RASAL2: variants seen among roughly 807,000 people sequenced by gnomAD.
RASAL2 encodes the protein ras GTPase-activating protein nGAP.
In RASAL2, 58 loss-of-function variants were observed where a neutral mutation model predicts 128.9. That is an observed-to-expected ratio of 0.45 (90% CI 0.36 to 0.56). The LOEUF is 0.56. Among genes scored for constraint, RASAL2 ranks in the 20% least tolerant of loss-of-function variants. The probability of loss-of-function intolerance (pLI) is 0.00; values close to 1 mark genes in which losing one functional copy is unlikely to be tolerated. For synonymous variants in RASAL2, 561 were observed against 580.8 expected, an observed-to-expected ratio of 0.97 and a Z score of 0.49; for missense variants, 1,360 against 1,601.6, an observed-to-expected ratio of 0.85 and a Z score of 2.57.
At chr1:178,374,752 C>T (rs1671898589) in intron 3 of RASAL2, among the ~76,000 whole-genome samples, 1 of 152,150 alleles carries the variant, frequency 6.6e-6, no homozygotes, top group Admixed American at 6.6e-5. Flanking sequence ...TGATTTACTT[C>T]CTGTCTTGGA....
chr1:178,139,511 A>G lies in RASAL2; in HGVS notation c.202+44817A>G, dbSNP rs370704345. Among the ~76,000 whole-genome samples, 46 of 152,216 alleles carry G rather than the reference A, an allele frequency of 3.0e-4. No individual in the cohort carries two copies. The South Asian group carries it at 9.3e-3, about 31-fold the overall frequency. ...GAATTTTTAAAAGTTACTCCTTACT[A>G]TTACTCCATATTCTTAACTTTAATT... is the stretch of plus-strand genomic sequence containing the variant. On this transcript the variant is annotated intron_variant, in intron 1 of 17. Coordinates refer to ENST00000367649, the MANE Select transcript of RASAL2 (RefSeq NM_170692.4).
chr1:178,124,074 C>G (rs1018958564), intron 1 of RASAL2, among the ~76,000 whole-genome samples: 7 of 152,290 alleles, frequency 4.6e-5, no homozygotes, highest in African/African-American at 1.4e-4. Flanking sequence ...AGTAGACCTG[C>G]TCTGGTTACA....
At chr1:178,348,217 G>A (rs535885901) in intron 3 of RASAL2, among the ~76,000 whole-genome samples, 28 of 152,280 alleles carry the variant, frequency 1.8e-4, no homozygotes, top group African/African-American at 6.0e-4. Flanking sequence ...TCAGATGCTG[G>A]TTACTAGCAT....
Position 178,277,970 on chromosome 1 carries a change from C to T in RASAL2, c.203-5594C>T, listed in dbSNP as rs927987768. The stretch of plus-strand genomic sequence containing the variant: ...CAGTGTAGTGTCTGTTATTGTGAGA[C>T]ATCACCCAGAGTTGTTTGTCTCATG... On this transcript the variant is annotated intron_variant, in intron 1 of 17. Coordinates refer to ENST00000367649, the MANE Select transcript of RASAL2 (RefSeq NM_170692.4). 5.9e-5 allele frequency among the ~76,000 whole-genome samples: 9 copies of T among 152,266 alleles called. No individual in the cohort carries two copies. The Middle Eastern group carries it at 0.017, about 288-fold the overall frequency.
At chr1:178,269,232 A>G (rs1364804547) in intron 1 of RASAL2, among the ~76,000 whole-genome samples, 1 of 152,222 alleles carries the variant, frequency 6.6e-6, no homozygotes, top group East Asian at 1.9e-4. Context: ...CCTCATCAGG[A>G]ACTAAATTGG....
chr1:178,095,436 G>T (rs1658639236), intron 1 of RASAL2, among the ~76,000 whole-genome samples: 1 of 152,196 alleles, frequency 6.6e-6, no homozygotes, highest in South Asian at 2.1e-4. Flanking sequence ...ATAGCTTAAG[G>T]ATTTATAGCC....
intron 1 of RASAL2, among the ~76,000 whole-genome samples, chr1:178,262,100 G>T (rs1056137187): frequency 1.3e-5 from 2 of 151,976 alleles, no homozygotes; most frequent in African/African-American, 4.8e-5. Context: ...ACGAATAATT[G>T]AATGATTGAG....
chr1:178,208,032 A>C (rs1360766728), intron 1 of RASAL2, among the ~76,000 whole-genome samples: 1 of 152,182 alleles, frequency 6.6e-6, no homozygotes, highest in African/African-American at 2.4e-5. Flanking sequence ...TCTTTACTTT[A>C]ATCTCTTAAT....
chr1:178,328,877 A>G lies in RASAL2; in HGVS notation c.457+28759A>G, dbSNP rs370710976. Reference sequence around the variant, plus strand: ...GTATTTCGGGTTATGAGTGACTTATAAATACTAACAGGCAGCTGTGAGACC... The same window carrying G: ...GTATTTCGGGTTATGAGTGACTTATGAATACTAACAGGCAGCTGTGAGACC... On this transcript the variant is annotated intron_variant, in intron 3 of 17. Transcript: ENST00000367649. Among the ~76,000 whole-genome samples the G allele has an allele frequency of 4.9e-4, 75 of 152,284 alleles. 1 individual carries two copies. In the South Asian group the frequency reaches 0.015, roughly 31 times the overall value.
rs1262519848 is a variant in RASAL2 at position 178,441,606 on chromosome 1, A to G, written c.886A>G (p.Lys296Glu). 6.2e-7 allele frequency: 1 copy of G among 1,612,588 alleles called. No homozygotes were observed. The highest frequency in any genetic ancestry group is 8.5e-7 in the Non-Finnish European group (1 of 1,179,148). ...FSCNSASERD[K>E]WMENLRRTVQ... The stretch of plus-strand genomic sequence containing the variant: ...CTGTAATTCTGCTTCTGAGAGAGAC[A>G]AGTGGATGGAAAACCTTCGCAGGAC... The change falls in exon 7 of 18, where the codon AAG (lysine) becomes GAG (glutamate). Residue 296 changes from lysine (K) to glutamate (E), a missense_variant. By Grantham distance (56) the Lys-to-Glu change is moderately conservative. Coordinates refer to ENST00000367649, the MANE Select transcript of RASAL2 (RefSeq NM_170692.4).
chr1:178,193,042 G>A (rs1157900720), intron 1 of RASAL2, among the ~76,000 whole-genome samples: 1 of 151,944 alleles, frequency 6.6e-6, no homozygotes, highest in Non-Finnish European at 1.5e-5. Flanking sequence ...CTCTTAGTAG[G>A]GTCAAATTTT....
At chr1:178,416,080 T>C (rs1674732632) in intron 4 of RASAL2, among the ~76,000 whole-genome samples, 2 of 152,160 alleles carry the variant, frequency 1.3e-5, no homozygotes, top group African/African-American at 4.8e-5. Context: ...GTTGGGTTTC[T>C]AACCATATTT....
At chr1:178,343,950 C>T (rs986693779) in intron 3 of RASAL2, among the ~76,000 whole-genome samples, 1 of 152,074 alleles carries the variant, frequency 6.6e-6, no homozygotes, top group Non-Finnish European at 1.5e-5. Context: ...AATCAGTATA[C>T]TTGGGATACC....
chr1:178,131,056 AAAAC>A (rs1292347932), intron 1 of RASAL2, among the ~76,000 whole-genome samples: 2 of 151,516 alleles, frequency 1.3e-5, no homozygotes, highest in Non-Finnish European at 2.9e-5. Flanking sequence ...CTCTGTCTCA[AAAAC>A]AAACAAAAAA....
chr1:178,297,866 T>C (rs1667588677), intron 2 of RASAL2, among the ~76,000 whole-genome samples: 1 of 152,126 alleles, frequency 6.6e-6, no homozygotes, highest in Non-Finnish European at 1.5e-5. Context: ...AGAGACAAAA[T>C]ATGTCCTCAT....
intron 2 of RASAL2, among the ~76,000 whole-genome samples, chr1:178,290,961 C>A (rs1041719300): frequency 1.3e-5 from 2 of 152,152 alleles, no homozygotes; most frequent in Non-Finnish European, 2.9e-5. Context: ...TAGGTGTGAG[C>A]CACCACACCC....
At chr1:178,341,463 C>A in intron 3 of RASAL2, 1 of 1,496,602 alleles carries the variant, frequency 6.7e-7, no homozygotes, top group Non-Finnish European at 8.9e-7. Flanking sequence ...TCCAAACTGT[C>A]TGAGGCACGA....
intron 9 of RASAL2, among the ~76,000 whole-genome samples, chr1:178,449,530 A>G (rs768982114): frequency 1.7e-4 from 26 of 152,154 alleles, no homozygotes; most frequent in Non-Finnish European, 3.5e-4. Context: ...TTAACATGTA[A>G]ACAACATAAC....
intron 1 of RASAL2, among the ~76,000 whole-genome samples, chr1:178,263,186 A>G (rs1231246326): frequency 6.6e-6 from 1 of 152,164 alleles, no homozygotes; most frequent in Non-Finnish European, 1.5e-5. Context: ...ATTTTATTAC[A>G]ATATTTTTAC....
Sources: allele counts gnomAD v4.1 joint callset (sites outside exome capture counted in the v4.1 genomes callset), GRCh38; gene constraint gnomAD v4.1.1; transcripts MANE v1.5; gene names NCBI Gene and HGNC (gene_info 2026-07-23, HGNC 2026-07-21).